PCDHGA2: variants seen among roughly 807,000 people sequenced by gnomAD.
PCDHGA2 encodes protocadherin gamma subfamily A, 2.
PCDHGA2 carries 40 observed loss-of-function variants against 59.2 expected under a neutral mutation model. The ratio of observed to expected loss-of-function variants is 0.68; its 90% confidence interval spans 0.52 to 0.88. The LOEUF is 0.88. Ranked by LOEUF, PCDHGA2 falls within the 40% of genes least tolerant of loss-of-function variation. The pLI, the probability that PCDHGA2 is intolerant of heterozygous loss-of-function variation, is 0.00. For missense variants in PCDHGA2, 1,226 were observed against 1,204.0 expected (o/e 1.02, Z -0.27); for synonymous variants, 560 against 526.0 (o/e 1.06, Z -0.89).
In PCDHGA2 at chr5:141,374,652, A is replaced by C. The variant is rs947408708; in HGVS notation, c.2424+33257A>C. Reference sequence around the variant, plus strand: ...GTGCAAAGCGAAGCCCATGGGCCCAAGTACCCGGAGCTGGTGCTGGAGGGC... The same window carrying C: ...GTGCAAAGCGAAGCCCATGGGCCCACGTACCCGGAGCTGGTGCTGGAGGGC... On this transcript the variant is annotated intron_variant, in intron 1 of 3. Coordinates refer to ENST00000394576, the MANE Select transcript of PCDHGA2 (RefSeq NM_018915.4). 1.2e-6 allele frequency: 2 copies of C among 1,612,302 alleles called. No homozygotes were observed.
Position 141,477,160 on chromosome 5 carries a change from C to A in PCDHGA2, c.2425-17647C>A, listed in dbSNP as rs768436526. The A allele has an allele frequency of 1.9e-5, 31 of 1,614,068 alleles. No homozygotes were observed. The African/African-American group carries it at 3.6e-4, about 19-fold the overall frequency. On this transcript the variant is annotated intron_variant, in intron 1 of 3. Coordinates refer to ENST00000394576, the MANE Select transcript of PCDHGA2 (RefSeq NM_018915.4). This position sits in a 1 kb window ranked among gnomAD's most constrained non-coding sequence, Gnocchi z 4.9. ...TGGAGGTTGTGGATGTGAATGACAA[C>A]GCCCCGGAGATCACAGTCACCTCCG...
intron 1 of PCDHGA2, chr5:141,378,509 C>T (rs60712207): frequency 0.33 from 49,377 of 151,848 alleles, 8,313 homozygotes; most frequent in Admixed American, 0.44. Flanking sequence ...GGTGACAGAG[C>T]GAGACTCTGT....
Position 141,398,972 on chromosome 5 carries a change from A to G in PCDHGA2, c.2424+57577A>G, listed in dbSNP as rs191593174. 31 of 1,613,974 alleles carry G rather than the reference A, an allele frequency of 1.9e-5. No homozygotes were observed. In the South Asian group the frequency reaches 2.5e-4, roughly 13 times the overall value. The stretch of plus-strand genomic sequence containing the variant: ...AACTCAGAAATTACTTATTCCTTCT[A>G]CAGAACCGGGCAAATCTTTAGTCTG... On this transcript the variant is annotated intron_variant, in intron 1 of 3. Transcript: ENST00000394576.
intron 1 of PCDHGA2, among the ~76,000 whole-genome samples, chr5:141,438,564 T>A (rs1192918137): frequency 1.5e-5 from 2 of 137,114 alleles, no homozygotes; most frequent in Non-Finnish European, 3.1e-5. Flanking sequence ...AAGAGGCAGC[T>A]GTCTGATATA....
At chr5:141,361,398 C>T (rs770221775) in intron 1 of PCDHGA2, 5 of 1,613,888 alleles carry the variant, frequency 3.1e-6, no homozygotes, top group Non-Finnish European at 4.2e-6. Flanking sequence ...ACAATCTCAC[C>T]ATCACAGCCA....
At chr5:141,393,243 G>A in intron 1 of PCDHGA2, 4 of 1,613,784 alleles carry the variant, frequency 2.5e-6, no homozygotes, top group Non-Finnish European at 3.4e-6. Flanking sequence ...AAAAATTAAC[G>A]AAATCGCGGT....
rs1241912384 is a variant in PCDHGA2 at position 141,404,765 on chromosome 5, T to C, written c.2424+63370T>C. ...AGACTCAGGCCAGAATGCTTGGCTC[T>C]CCTACCGCCTATTCAAGGCCAGTGA... On this transcript the variant is annotated intron_variant, in intron 1 of 3. Coordinates refer to ENST00000394576, the MANE Select transcript of PCDHGA2 (RefSeq NM_018915.4). 2.5e-6 allele frequency: 4 copies of C among 1,613,120 alleles called. No individual in the cohort carries two copies. The Admixed American group carries it at 6.7e-5, about 27-fold the overall frequency.
chr5:141,405,050 G>T, intron 1 of PCDHGA2: 1 of 1,613,866 alleles, frequency 6.2e-7, no homozygotes, highest in South Asian at 1.1e-5. Flanking sequence ...TGTGGCAGTC[G>T]TCTCCTGTGT....
chr5:141,490,103 C>T lies in PCDHGA2; in HGVS notation c.2425-4704C>T, dbSNP rs1012215533. ...TCTTTTGGAGACCACACATCTGAGG[C>T]AGTGCGGAACCTCTTTGGCCTAGAC... On this transcript the variant is annotated intron_variant, in intron 1 of 3. Coordinates refer to ENST00000394576, the MANE Select transcript of PCDHGA2 (RefSeq NM_018915.4). The surrounding 1 kb of genome is among the most constrained non-coding windows in gnomAD (Gnocchi z 5.4). The T allele has an allele frequency of 6.2e-7, 1 of 1,614,122 alleles. No homozygotes were observed. The highest frequency in any genetic ancestry group is 1.3e-5 in the African/African-American group (1 of 74,954).
rs2099611311 is a variant in PCDHGA2 at position 141,485,311 on chromosome 5, G to A, written c.2425-9496G>A. 3.1e-6 allele frequency: 5 copies of A among 1,614,174 alleles called. No individual in the cohort carries two copies. The East Asian group carries it at 6.7e-5, about 22-fold the overall frequency. ...AGTCACAGGAAGGGACTTTTGTAGGGAATGTCGCTCAAGATTTCCTGCTGG... is the reference window on the plus strand; with the variant it reads ...AGTCACAGGAAGGGACTTTTGTAGGAAATGTCGCTCAAGATTTCCTGCTGG... On this transcript the variant is annotated intron_variant, in intron 1 of 3. Transcript: ENST00000394576. The surrounding 1 kb of genome is among the most constrained non-coding windows in gnomAD (Gnocchi z 5.7).
chr5:141,430,933 G>C (rs2097327058), intron 1 of PCDHGA2: 1 of 1,607,608 alleles, frequency 6.2e-7, no homozygotes, highest in East Asian at 2.2e-5. Flanking sequence ...AGCCCCGGGA[G>C]CTCGCGGAGC....
Position 141,491,916 on chromosome 5 carries a change from G to T in PCDHGA2, c.2425-2891G>T. ...GAGCACCGGGGGTGGTGGCGACTGT[G>T]GGCGAGGGGAGGTGGGACCGACCCC... On this transcript the variant is annotated intron_variant, in intron 1 of 3. Transcript: ENST00000394576. The surrounding 1 kb of genome is among the most constrained non-coding windows in gnomAD (Gnocchi z 6.9). 2 of 1,386,662 alleles carry T rather than the reference G, an allele frequency of 1.4e-6. No homozygotes were observed. Among genetic ancestry groups the T allele is most frequent in the African/African-American group, 1.5e-5 (1 of 68,510 alleles). The allele number at this position is 1,386,662 out of a possible 1,614,324, so 85.9% of individuals were successfully genotyped here.
In PCDHGA2 at chr5:141,432,808, C is replaced by G. The variant is rs1473886709; in HGVS notation, c.2425-61999C>G. ...TCGGCAGCCTCGAGTCTCCAGCTAA[C>G]TCTGAAACCTCAGACCTCACTCTGT... is the stretch of plus-strand genomic sequence containing the variant. On this transcript the variant is annotated intron_variant, in intron 1 of 3. Coordinates refer to ENST00000394576, the MANE Select transcript of PCDHGA2 (RefSeq NM_018915.4). This position sits in a 1 kb window ranked among gnomAD's most constrained non-coding sequence, Gnocchi z 6.0. 2 of 1,613,486 alleles carry G rather than the reference C, an allele frequency of 1.2e-6. No individual in the cohort carries two copies. Among genetic ancestry groups the G allele is most frequent in the Non-Finnish European group, 1.7e-6 (2 of 1,180,008 alleles).
intron 1 of PCDHGA2, chr5:141,351,904 G>T (rs768629787): frequency 1.2e-6 from 2 of 1,613,416 alleles, no homozygotes; most frequent in Admixed American, 3.3e-5. Context: ...GCGTGTTGGT[G>T]GGCGACCTCA....
intron 1 of PCDHGA2, chr5:141,421,166 A>T: frequency 7.7e-7 from 1 of 1,301,524 alleles, no homozygotes; most frequent in Non-Finnish European, 1.0e-6. Context: ...CTTCATAGAT[A>T]CATAAGCCGA....
chr5:141,366,112 G>C (rs747040892), intron 1 of PCDHGA2: 1 of 1,614,110 alleles, frequency 6.2e-7, no homozygotes, highest in Non-Finnish European at 8.5e-7. Context: ...TGGTAGCGGT[G>C]GACAAAGATT....
chr5:141,410,827 A>G lies in PCDHGA2; in HGVS notation c.2424+69432A>G. The G allele has an allele frequency of 1.4e-5, 6 of 440,972 alleles. No individual in the cohort carries two copies. The South Asian group carries it at 2.4e-4, about 18-fold the overall frequency. 27.3% of individuals were successfully genotyped at this position (440,972 alleles called of 1,614,324 possible). The stretch of plus-strand genomic sequence containing the variant: ...TCTTTTTGTAAAATAATGTCACCAG[A>G]CTGAAGATATTTTGTCTTTGTCTTT... On this transcript the variant is annotated intron_variant, in intron 1 of 3. Transcript: ENST00000394576.
At chr5:141,341,593 T>G (rs1757071312) in intron 1 of PCDHGA2, 198 bp downstream of exon 1, 2 of 1,074,372 alleles carry the variant, frequency 1.9e-6, no homozygotes, top group Non-Finnish European at 2.6e-6. Flanking sequence ...AGAATCTTTG[T>G]GCAATGAATG....
At chr5:141,450,004 C>CTTTAT (rs2098662217) in intron 1 of PCDHGA2, among the ~76,000 whole-genome samples, 1 of 75,148 alleles carries the variant, frequency 1.3e-5, no homozygotes, top group Non-Finnish European at 2.3e-5. Flanking sequence ...GTTGCCATGT[C>CTTTAT]TCTTTTTTTT....
Sources: gnomAD v4.1 joint callset for allele counts (sites outside exome capture counted in the v4.1 genomes callset) on GRCh38, gnomAD v4.1.1 for gene constraint, Gnocchi (gnomAD v3.1) non-coding constraint, MANE v1.5 for transcripts, NCBI Gene and HGNC (gene_info 2026-07-23, HGNC 2026-07-21) for gene names.